Variants in MIB2 observed in about 807,000 individuals in gnomAD.
MIB2 encodes the protein E3 ubiquitin-protein ligase MIB2.
In MIB2, 78 loss-of-function variants were observed where a neutral mutation model predicts 96.6. The observed-to-expected ratio is 0.81, with a 90% CI of 0.67 to 0.97. MIB2 has a LOEUF of 0.97. Ranked by LOEUF, MIB2 falls within the 50% of genes least tolerant of loss-of-function variation. MIB2 has a pLI of 0.00. For missense variants in MIB2, 1,543 were observed against 1,424.0 expected, an observed-to-expected ratio of 1.08 and a Z score of -1.35; for synonymous variants, 820 against 629.5, an observed-to-expected ratio of 1.30 and a Z score of -4.53.
At chr1:1,627,602 T>G in intron 12 of MIB2, 71 bp from the exon 13 acceptor site, 1 of 1,520,782 alleles carries the variant, frequency 6.6e-7, no homozygotes, top group Non-Finnish European at 8.8e-7. Flanking sequence ...GGGTCGGGCC[T>G]GGCGGGGCTG....
rs374674829 is a variant in MIB2 at position 1,625,184 on chromosome 1, C to G, written c.720C>G (p.Leu240=). 3.7e-6 allele frequency: 6 copies of G among 1,606,784 alleles called. No homozygotes were observed. The highest frequency in any genetic ancestry group is 5.1e-6 in the Non-Finnish European group (6 of 1,176,038). Residue 240 remains leucine, a splice_region_variant and synonymous_variant, in exon 6 of 20, where the codon CTC becomes CTG. Transcript: ENST00000355826. This position sits in a 1 kb window ranked among gnomAD's most constrained non-coding sequence, Gnocchi z 5.0. ...GFYYKDHLPR[L]GKPAELQRRV... ...ACTACAAGGACCACCTCCCAAGGCTCGGTATGAGGCTGTCACACTGACTCC... is the reference window on the plus strand; with the variant it reads ...ACTACAAGGACCACCTCCCAAGGCTGGGTATGAGGCTGTCACACTGACTCC...
intron 4 of MIB2, chr1:1,624,226 C>T: frequency 1.9e-6 from 1 of 513,696 alleles, no homozygotes; most frequent in Non-Finnish European, 3.5e-6. Context: ...CCTGGGCTGT[C>T]TTGGAGGCTG....
intron 2 of MIB2, among the ~76,000 whole-genome samples, chr1:1,622,054 AG>A (rs1195073911): frequency 1.3e-5 from 2 of 152,306 alleles, no homozygotes; most frequent in Middle Eastern, 3.4e-3. Context: ...GCCCAGGTGG[AG>A]GGCTGGCCTG....
chr1:1,616,731 G>A (rs893808911), intron 2 of MIB2, 117 bp downstream of exon 2: 23 of 784,198 alleles, frequency 2.9e-5, no homozygotes, highest in African/African-American at 1.8e-4. Flanking sequence ...GCGAGTGGAG[G>A]GGAGTGGTGA....
Position 1,624,771 on chromosome 1 carries a change from CTTTA to C in MIB2, c.420-20_420-17del. ...AGAGATGGCGGTTTTCTTCTGAGAG[CTTTA>C]TTTGTGAACCCTCTTGCAGTGTCAC... is the stretch of plus-strand genomic sequence containing the variant. On this transcript the variant is annotated intron_variant, in intron 4 of 19. Coordinates refer to ENST00000355826, the MANE Select transcript of MIB2 (RefSeq NM_001170687.4). The C allele has an allele frequency of 2.5e-6, 4 of 1,602,910 alleles. No homozygotes were observed. Among genetic ancestry groups the C allele is most frequent in the Non-Finnish European group, 3.4e-6 (4 of 1,172,996 alleles).
chr1:1,619,453 C>T (rs946156139), intron 2 of MIB2, among the ~76,000 whole-genome samples: 2 of 152,254 alleles, frequency 1.3e-5, no homozygotes, highest in African/African-American at 4.8e-5. Flanking sequence ...CGCATGTGGT[C>T]TGTCTGCACA....
chr1:1,626,423 C>T lies in MIB2; in HGVS notation c.973-227C>T. 3.7e-6 allele frequency: 2 copies of T among 547,102 alleles called. No homozygotes were observed. The highest frequency in any genetic ancestry group is 2.6e-5 in the South Asian group (1 of 37,838). The allele number at this position is 547,102 out of a possible 1,614,324, so 33.9% of individuals were successfully genotyped here. ...CTGCCCAGAGCTGGCTTCTGTCTGCCTGGACACTCCTCCCATGGCTCTGGG... is the reference window on the plus strand; with the variant it reads ...CTGCCCAGAGCTGGCTTCTGTCTGCTTGGACACTCCTCCCATGGCTCTGGG... On this transcript the variant is annotated intron_variant, in intron 8 of 19. Transcript: ENST00000355826. The surrounding 1 kb of genome is among the most constrained non-coding windows in gnomAD (Gnocchi z 5.3).
rs370333489 is a variant in MIB2 at position 1,628,471 on chromosome 1, G to A, written c.1969-18G>A. On this transcript the variant is annotated intron_variant, in intron 15 of 19. Transcript: ENST00000355826. ...CCACTGGGGTCCCTGGGCTGAGCCC[G>A]TCCCCACCCCTCCCCAGGGCCGCTG... is the stretch of plus-strand genomic sequence containing the variant. 147 of 1,595,880 alleles carry A rather than the reference G, an allele frequency of 9.2e-5. No individual in the cohort carries two copies. Among genetic ancestry groups the A allele is most frequent in the Non-Finnish European group, 1.1e-4 (133 of 1,174,514 alleles).
Position 1,625,478 on chromosome 1 carries a change from CG to C in MIB2, c.864+51del. 1 of 1,553,132 alleles carries C rather than the reference CG, an allele frequency of 6.4e-7. No homozygotes were observed. Among genetic ancestry groups the C allele is most frequent in the Non-Finnish European group, 8.7e-7 (1 of 1,147,074 alleles). ...TGTGTGCCCTGCCCTCCCAGCCCTCCGCCCCCTCAGCCCCTTCCTCCCCAAG... is the reference window on the plus strand; with the variant it reads ...TGTGTGCCCTGCCCTCCCAGCCCTCCCCCCCTCAGCCCCTTCCTCCCCAAG... On this transcript the variant is annotated intron_variant, in intron 7 of 19. Coordinates refer to ENST00000355826, the MANE Select transcript of MIB2 (RefSeq NM_001170687.4). This position sits in a 1 kb window ranked among gnomAD's most constrained non-coding sequence, Gnocchi z 5.0.
chr1:1,616,457 C>CCG (rs1312812065), intron 1 of MIB2, 51 bp from the exon 2 acceptor site: 1 of 1,329,280 alleles, frequency 7.5e-7, no homozygotes, highest in African/African-American at 1.5e-5. Flanking sequence ...GGCGACCGAG[C>CCG]CGCGGGTCGA....
intron 2 of MIB2, among the ~76,000 whole-genome samples, chr1:1,621,688 G>A (rs564497173): frequency 8.5e-5 from 13 of 152,360 alleles, no homozygotes; most frequent in Admixed American, 3.3e-4. Flanking sequence ...AAGCTCTCGC[G>A]GTCCTGGGCA....
In MIB2 at chr1:1,628,295, C is replaced by T. The variant is rs771734370; in HGVS notation, c.1864C>T (p.Arg622Trp). 9.9e-6 allele frequency: 16 copies of T among 1,613,010 alleles called. No individual in the cohort carries two copies. The highest frequency in any genetic ancestry group is 8.0e-5 in the African/African-American group (6 of 75,070). ...CAGAGCTGTGAGAAAGATTCTGGCT[C>T]GGGCGCGGCAGCTGGTGGACGCCAA... ...HALAVRKILA[R>W]ARQLVDAKKE... The change falls in exon 15 of 20, where the codon CGG (arginine) becomes TGG (tryptophan). Residue 622 changes from arginine to tryptophan, a missense_variant. Coordinates refer to ENST00000355826, the MANE Select transcript of MIB2 (RefSeq NM_001170687.4).
rs1303002807 is a variant in MIB2, at chr1:1,615,503, C to T, written c.-260C>T. ...CGGGGGCGGGCCCTGGGCTCCCGCC[C>T]TTCGGGTCCCACAGTTTCCAGCCGC... On this transcript the variant is annotated 5_prime_UTR_variant, in exon 1 of 20. Coordinates refer to ENST00000355826, the MANE Select transcript of MIB2 (RefSeq NM_001170687.4). 17 of 1,528,462 alleles carry T rather than the reference C, an allele frequency of 1.1e-5. No homozygotes were observed. The East Asian group carries it at 1.2e-4, about 11-fold the overall frequency. 94.7% of individuals were successfully genotyped at this position (1,528,462 alleles called of 1,614,324 possible).
chr1:1,629,781 C>T (rs535619280), intron 19 of MIB2, 77 bp downstream of exon 19: 4 of 1,411,550 alleles, frequency 2.8e-6, no homozygotes, highest in Non-Finnish European at 3.8e-6. Flanking sequence ...CACCCCTTCC[C>T]TCCCACACTT....
chr1:1,629,440 C>T lies in MIB2; in HGVS notation c.2437C>T (p.Pro813Ser), dbSNP rs903825966. Reference protein sequence around the residue: ...APGPRQTLGTPNTVTNLHVGA... With the variant: ...APGPRQTLGTSNTVTNLHVGA... ...GGGCCCCAGGCAAACGCTCGGGACC[C>T]CCAACACCGTGACGAACCTGCACGT... Residue 813 changes from proline (P) to serine (S), a missense_variant, in exon 18 of 20, where the codon CCC (proline) becomes TCC (serine). Transcript: ENST00000355826. 2 of 1,529,340 alleles carry T rather than the reference C, an allele frequency of 1.3e-6. No homozygotes were observed. The highest frequency in any genetic ancestry group is 2.5e-5 in the East Asian group (1 of 40,192). 94.7% of individuals were successfully genotyped at this position (1,529,340 alleles called of 1,614,324 possible).
rs1240080637 is a variant in MIB2 at position 1,625,335 on chromosome 1, C to G, written c.771C>G (p.Phe257Leu). ...QRRVSADSQP[F>L]QHGDKVKCLL... ...GGGTGAGTGCTGACAGCCAGCCCTT[C>G]CAGCACGGGGACAAGGTCAAGTGTC... Residue 257 changes from phenylalanine (F) to leucine (L), a missense_variant, in exon 7 of 20, where the codon TTC becomes TTG. Phe to Leu is a conservative substitution (Grantham distance 22). Transcript: ENST00000355826. The surrounding 1 kb of genome is among the most constrained non-coding windows in gnomAD (Gnocchi z 5.0). The G allele has an allele frequency of 6.3e-7, 1 of 1,579,304 alleles. No individual in the cohort carries two copies. The highest frequency in any genetic ancestry group is 1.8e-5 in the Admixed American group (1 of 54,716).
chr1:1,630,281 C>T lies in MIB2; in HGVS notation c.2630-11C>T. ...CGGCCTCCCAGCTCACACCCGTCCC[C>T]CACCCCGCAGACGGCTCTGAGGTGG... On this transcript the variant is annotated splice_polypyrimidine_tract_variant and intron_variant, in intron 19 of 19. Transcript: ENST00000355826. 2.7e-6 allele frequency: 4 copies of T among 1,465,124 alleles called. No individual in the cohort carries two copies. The South Asian group carries it at 5.1e-5, about 19-fold the overall frequency. The allele number at this position is 1,465,124 out of a possible 1,614,324, so 90.8% of individuals were successfully genotyped here.
chr1:1,616,656 C>G (rs766312998), intron 2 of MIB2, 42 bp downstream of exon 2: 7 of 1,498,972 alleles, frequency 4.7e-6, no homozygotes, highest in Non-Finnish European at 6.3e-6. Context: ...TTGCACTTGG[C>G]TCTCCCACTT....
intron 13 of MIB2, 56 bp downstream of exon 13, chr1:1,627,885 C>T (rs1051499726): frequency 1.3e-6 from 2 of 1,592,806 alleles, no homozygotes; most frequent in Non-Finnish European, 1.7e-6. Flanking sequence ...TGTCCCTGGC[C>T]TGGGTTCCCT....
Sources: gnomAD v4.1 joint callset for allele counts (sites outside exome capture counted in the v4.1 genomes callset) on GRCh38, gnomAD v4.1.1 for gene constraint, Gnocchi (gnomAD v3.1) non-coding constraint, MANE v1.5 for transcripts, NCBI Gene and HGNC (gene_info 2026-07-23, HGNC 2026-07-21) for gene names.